Variants in TYK2 observed in about 807,000 individuals in gnomAD.
TYK2 encodes non-receptor tyrosine-protein kinase TYK2.
In TYK2, 65 loss-of-function variants were observed where a neutral mutation model predicts 130.9. The observed-to-expected ratio is 0.50, with a 90% CI of 0.41 to 0.61. The LOEUF (loss-of-function observed/expected upper bound fraction) is 0.61. TYK2 is among the 20% of genes least tolerant of loss of function. The pLI, the probability that TYK2 is intolerant of heterozygous loss-of-function variation, is 0.00. For missense variants in TYK2, 1,378 were observed against 1,610.7 expected (o/e 0.86, Z 2.47); for synonymous variants, 647 against 658.9 (o/e 0.98, Z 0.28).
chr19:10,377,157 G>A (rs932910189), intron 3 of TYK2, among the ~76,000 whole-genome samples: 8 of 152,166 alleles, frequency 5.3e-5, no homozygotes, highest in Middle Eastern at 3.4e-3. Context: ...CTCCTGCCTG[G>A]GCCTCCTCAA....
At chr19:10,379,388 C>G in intron 2 of TYK2, among the ~76,000 whole-genome samples, 1 of 149,972 alleles carries the variant, frequency 6.7e-6, no homozygotes, top group Middle Eastern at 3.5e-3. Context: ...AAGGGCCAGG[C>G]GCGGTGGCTC....
Position 10,368,187 on chromosome 19 carries a change from G to C in TYK2, c.333C>G (p.Asn111Lys), listed in dbSNP as rs2041753647. ...GTTCCCGAGGATTCATGCCATGCCA[G>C]TTCCGGAAATAAAACCTGCAGGAAG... is the stretch of plus-strand genomic sequence containing the variant. ...LYFRIRFYFRNWHGMNPREPA... is the reference protein window; with the variant it reads ...LYFRIRFYFRKWHGMNPREPA... Residue 111 changes from asparagine (N) to lysine (K), a missense_variant, in exon 5 of 25, where the codon AAC (asparagine) becomes AAG (lysine). By Grantham distance (94) the Asn-to-Lys change is moderately conservative. Coordinates refer to ENST00000525621, the MANE Select transcript of TYK2 (RefSeq NM_003331.5). 1 of 1,614,144 alleles carries C rather than the reference G, an allele frequency of 6.2e-7. No individual in the cohort carries two copies. The highest frequency in any genetic ancestry group is 8.5e-7 in the Non-Finnish European group (1 of 1,180,026).
Position 10,361,643 on chromosome 19 carries a change from C to G in TYK2, c.1960-45G>C. On this transcript the variant is annotated intron_variant, in intron 13 of 24. Transcript: ENST00000525621. This position sits in a 1 kb window ranked among gnomAD's most constrained non-coding sequence, Gnocchi z 4.0. Reference sequence around the variant, plus strand: ...CAGGTGGCTGCAAAGCCGACCCCTCCCATCCCACCTCCTCCACGGACACAC... The same window carrying G: ...CAGGTGGCTGCAAAGCCGACCCCTCGCATCCCACCTCCTCCACGGACACAC... 3 of 1,559,286 alleles carry G rather than the reference C, an allele frequency of 1.9e-6. No homozygotes were observed. Among genetic ancestry groups the G allele is most frequent in the Non-Finnish European group, 1.7e-6 (2 of 1,155,184 alleles).
chr19:10,361,831 C>A lies in TYK2; in HGVS notation c.1898G>T (p.Arg633Leu), dbSNP rs769794516. ...DEDPLVPGRD[R>L]GQELRVVLKV... is the part of the protein sequence containing the mutation. ...GAGCACCACTCGTAGCTCCTGCCCA[C>A]GGTCCCTGCCAGGCACGAGGGGGTC... Residue 633 changes from arginine to leucine, a missense_variant, in exon 13 of 25, where the codon CGT (arginine) becomes CTT (leucine). By Grantham distance (102) the Arg-to-Leu change is moderately radical. Transcript: ENST00000525621. This position sits in a 1 kb window ranked among gnomAD's most constrained non-coding sequence, Gnocchi z 4.0. 6.2e-7 allele frequency: 1 copy of A among 1,613,892 alleles called. No individual in the cohort carries two copies. The highest frequency in any genetic ancestry group is 1.7e-5 in the Admixed American group (1 of 59,998).
At chr19:10,370,052 C>G (rs1311586594) in intron 3 of TYK2, among the ~76,000 whole-genome samples, 1 of 149,292 alleles carries the variant, frequency 6.7e-6, no homozygotes, top group Non-Finnish European at 1.5e-5. Context: ...TCAAACAACA[C>G]AACAAAACAA....
chr19:10,368,247 C>T, intron 4 of TYK2, 45 bp from the exon 5 acceptor site: 3 of 1,614,146 alleles, frequency 1.9e-6, no homozygotes, highest in Non-Finnish European at 2.5e-6. Flanking sequence ...CAGAGTCAGA[C>T]CAGCTTCAGC....
rs2041749897 is a variant in TYK2 at position 10,368,104 on chromosome 19, T to C, written c.416A>G (p.Gln139Arg). 6.2e-7 allele frequency: 1 copy of C among 1,614,110 alleles called. No homozygotes were observed. The change falls in exon 5 of 25, where the codon CAG (glutamine) becomes CGG (arginine). Residue 139 changes from glutamine to arginine, a missense_variant. Transcript: ENST00000525621. Reference sequence around the variant, plus strand: ...GGCTGGGTCCAGGAGTTGCATCCCCTGTGCTGTCTGATCTGAGGATGCCTC... The same window carrying C: ...GGCTGGGTCCAGGAGTTGCATCCCCCGTGCTGTCTGATCTGAGGATGCCTC... ...GTEASSDQTAQGMQLLDPASF... is the reference protein window; with the variant it reads ...GTEASSDQTARGMQLLDPASF...
intron 2 of TYK2, among the ~76,000 whole-genome samples, chr19:10,378,877 CTTATT>C (rs1431158665): frequency 4.7e-4 from 61 of 130,862 alleles, no homozygotes; most frequent in Non-Finnish European, 1.2e-4. Context: ...CTTATCTTAT[CTTATT>C]TTTGAGACAG....
chr19:10,370,905 A>G (rs1381249490), intron 3 of TYK2, among the ~76,000 whole-genome samples: 2 of 152,028 alleles, frequency 1.3e-5, no homozygotes, highest in Admixed American at 6.6e-5. Context: ...TGGGAGGCTA[A>G]GGCGGGAGAA....
rs778413907 is a variant in TYK2, at chr19:10,368,207, AG to A, written c.318-6del. 2 of 1,614,162 alleles carry A rather than the reference AG, an allele frequency of 1.2e-6. No individual in the cohort carries two copies. The highest frequency in any genetic ancestry group is 2.2e-5 in the East Asian group (1 of 44,876). ...TGCCAGTTCCGGAAATAAAACCTGC[AG>A]GAAGGAGGGACGCAGCTGGGGCTTA... On this transcript the variant is annotated splice_region_variant and splice_polypyrimidine_tract_variant and intron_variant, in intron 4 of 24. Coordinates refer to ENST00000525621, the MANE Select transcript of TYK2 (RefSeq NM_003331.5).
intron 23 of TYK2, 149 bp from the exon 24 acceptor site, chr19:10,351,311 A>AC (rs1244761796): frequency 2.8e-5 from 17 of 610,222 alleles, no homozygotes; most frequent in South Asian, 2.4e-4. Context: ...ACATGGTGAA[A>AC]CCCCATCTCT....
At position 10,354,054 on chromosome 19, in the gene TYK2, AG is replaced by A. The variant is rs1568327508; in HGVS notation, c.2895del (p.Cys966AlafsTer59). On this transcript the variant is annotated frameshift_variant, in exon 20 of 25. Coordinates refer to ENST00000525621, the MANE Select transcript of TYK2 (RefSeq NM_003331.5). LOFTEE classifies it high-confidence loss of function. ...GGGTCCCGCCCACCTTGGTCCTCGC[AG>A]CAGCCCTTGTACTTGATGATGTGCT... ...YHEHIIKYKG[C>X]CEDQGEKSLQ... 1 of 1,614,002 alleles carries A rather than the reference AG, an allele frequency of 6.2e-7. No homozygotes were observed. Among genetic ancestry groups the A allele is most frequent in the African/African-American group, 1.3e-5 (1 of 74,934 alleles).
intron 3 of TYK2, among the ~76,000 whole-genome samples, chr19:10,377,562 G>A (rs1434319918): frequency 1.7e-5 from 2 of 115,806 alleles, no homozygotes; most frequent in African/African-American, 3.3e-5. Context: ...GTGGGTGGAT[G>A]GATGGGTGGG....
intron 3 of TYK2, among the ~76,000 whole-genome samples, chr19:10,369,287 C>A (rs779746045): frequency 1.3e-5 from 2 of 151,994 alleles, no homozygotes; most frequent in Admixed American, 6.6e-5. Context: ...CATCACAGGC[C>A]CCCCCTTAGA....
chr19:10,380,175 C>T, intron 1 of TYK2, among the ~76,000 whole-genome samples: 1 of 152,242 alleles, frequency 6.6e-6, no homozygotes, highest in East Asian at 1.9e-4. Context: ...AATACCTATT[C>T]ATGTTATAGA....
chr19:10,358,280 G>GT, intron 15 of TYK2, 142 bp from the exon 16 acceptor site: 4 of 674,792 alleles, frequency 5.9e-6, no homozygotes, highest in South Asian at 5.2e-5. Context: ...TTTTTGGGGG[G>GT]TTATTTTTTT....
At chr19:10,366,912 C>T (rs953685214) in intron 5 of TYK2, among the ~76,000 whole-genome samples, 4 of 151,552 alleles carry the variant, frequency 2.6e-5, no homozygotes, top group South Asian at 2.1e-4. Flanking sequence ...GGTGTGGTGG[C>T]GCATGTCTGT....
chr19:10,377,586 G>GGATA (rs2042187223), intron 3 of TYK2, among the ~76,000 whole-genome samples: 1 of 130,140 alleles, frequency 7.7e-6, no homozygotes, highest in Non-Finnish European at 1.6e-5. Context: ...GTGGATGGAT[G>GGATA]GATGGATGAA....
At chr19:10,352,905 G>A (rs1303300104) in intron 22 of TYK2, 21 bp downstream of exon 22, 1 of 1,596,108 alleles carries the variant, frequency 6.3e-7, no homozygotes, top group African/African-American at 1.3e-5. Flanking sequence ...CACCCCCTCA[G>A]ACTGCACCCC....
Sources: allele counts gnomAD v4.1 joint callset (sites outside exome capture counted in the v4.1 genomes callset), GRCh38; gene constraint gnomAD v4.1.1; non-coding constraint Gnocchi (gnomAD v3.1); transcripts MANE v1.5; gene names NCBI Gene and HGNC (gene_info 2026-07-23, HGNC 2026-07-21).